The following MYO5A variants were observed in gnomAD, a reference collection of about 807,000 sequenced individuals.
MYO5A encodes the protein myosin VA.
Under a neutral mutation model 249.7 loss-of-function variants are expected in MYO5A, and 98 were observed. That is an observed-to-expected ratio of 0.39 (90% CI 0.33 to 0.46). The LOEUF (loss-of-function observed/expected upper bound fraction) is 0.46, where lower values mean the gene tolerates loss of function less well. Ranked by LOEUF, MYO5A falls within the 20% of genes least tolerant of loss-of-function variation. The probability of loss-of-function intolerance (pLI) is 0.98; values close to 1 mark genes in which losing one functional copy is unlikely to be tolerated. For missense variants in MYO5A, 1,696 were observed against 2,308.8 expected (o/e 0.73, Z 5.44); for synonymous variants, 778 against 810.6 (o/e 0.96, Z 0.68).
In MYO5A at chr15:52,416,279, T is replaced by C. The variant is rs968920076; in HGVS notation, c.478A>G (p.Ile160Val). The C allele has an allele frequency of 9.9e-6, 16 of 1,613,930 alleles. No individual in the cohort carries two copies. Among genetic ancestry groups the C allele is most frequent in the Non-Finnish European group, 1.3e-5 (15 of 1,179,940 alleles). ...MARDERNQSI[I>V]VSGESGAGKT... ...CCTGCCCCAGACTCTCCACTTACGATGATGGACTGATTTCGTTCATCTCTG... is the reference window on the plus strand; with the variant it reads ...CCTGCCCCAGACTCTCCACTTACGACGATGGACTGATTTCGTTCATCTCTG... The change falls in exon 5 of 42, where the codon ATC becomes GTC. Residue 160 changes from isoleucine (I) to valine (V), a missense_variant. Physicochemically the swap from Ile to Val is conservative, Grantham distance 29. Around this residue, in one of 5 missense-constraint regions of MYO5A, gnomAD observed 197 missense variants for 320.3 expected, o/e 0.62. Transcript: ENST00000399233.
chr15:52,506,962 T>C (rs1347281392), intron 1 of MYO5A, among the ~76,000 whole-genome samples: 1 of 152,252 alleles, frequency 6.6e-6, no homozygotes, highest in Non-Finnish European at 1.5e-5. Context: ...TCACATTACA[T>C]ACTTAAGGAT....
chr15:52,363,946 A>G (rs1041282764), intron 24 of MYO5A, among the ~76,000 whole-genome samples: 5 of 152,214 alleles, frequency 3.3e-5, no homozygotes, highest in African/African-American at 1.2e-4. Flanking sequence ...TATATAAAAC[A>G]AAGTCCAACT....
At chr15:52,473,419 T>C (rs1391224746) in intron 1 of MYO5A, among the ~76,000 whole-genome samples, 1 of 152,240 alleles carries the variant, frequency 6.6e-6, no homozygotes, top group Non-Finnish European at 1.5e-5. Flanking sequence ...TTTGTCAATT[T>C]TGGCTTTTGT....
intron 1 of MYO5A, among the ~76,000 whole-genome samples, chr15:52,488,528 A>G (rs1247107013): frequency 6.6e-6 from 1 of 152,240 alleles, no homozygotes; most frequent in African/African-American, 2.4e-5. Context: ...TTAAAACAAC[A>G]AAATTAATTA....
chr15:52,393,913 A>T (rs762147258), intron 11 of MYO5A, among the ~76,000 whole-genome samples: 27 of 152,220 alleles, frequency 1.8e-4, no homozygotes, highest in Non-Finnish European at 2.8e-4. Context: ...TCATTAATTT[A>T]TATGTAGTCT....
intron 36 of MYO5A, among the ~76,000 whole-genome samples, chr15:52,326,057 G>T (rs560858828): frequency 6.6e-6 from 1 of 152,236 alleles, no homozygotes; most frequent in African/African-American, 2.4e-5. Flanking sequence ...CATATCTTTG[G>T]CTAGTTATGC....
chr15:52,479,383 AT>A (rs201205326), intron 1 of MYO5A, among the ~76,000 whole-genome samples: 1 of 151,752 alleles, frequency 6.6e-6, no homozygotes, highest in Non-Finnish European at 1.5e-5. Flanking sequence ...ACTTTTTCTT[AT>A]TTTTTTCGAT....
intron 1 of MYO5A, among the ~76,000 whole-genome samples, chr15:52,527,177 A>G (rs2077744447): frequency 6.6e-6 from 1 of 152,258 alleles, no homozygotes; most frequent in South Asian, 2.1e-4. Flanking sequence ...TACACAAAGT[A>G]ACCAAGGAAT....
At chr15:52,384,083 A>G in intron 15 of MYO5A, 78 bp downstream of exon 15, 1 of 1,570,922 alleles carries the variant, frequency 6.4e-7, no homozygotes, top group Non-Finnish European at 8.7e-7. Context: ...CCCACCTGGG[A>G]GGCTGAAGAG....
intron 22 of MYO5A, among the ~76,000 whole-genome samples, chr15:52,369,105 T>C (rs2040965760): frequency 6.6e-6 from 1 of 152,094 alleles, no homozygotes; most frequent in Non-Finnish European, 1.5e-5. Flanking sequence ...ATATATAGAG[T>C]ACAGATCTAG....
chr15:52,471,307 TA>T (rs2076462201), intron 1 of MYO5A, among the ~76,000 whole-genome samples: 1 of 151,790 alleles, frequency 6.6e-6, no homozygotes, highest in South Asian at 2.1e-4. Context: ...TTGTGTGCAT[TA>T]AAAATCAGTT....
chr15:52,475,034 G>C (rs1479589001), intron 1 of MYO5A, among the ~76,000 whole-genome samples: 9 of 152,116 alleles, frequency 5.9e-5, no homozygotes, highest in Non-Finnish European at 1.2e-4. Flanking sequence ...TTTTTGGTTG[G>C]TAGGCTATTA....
intron 1 of MYO5A, among the ~76,000 whole-genome samples, chr15:52,499,235 T>C (rs1595797642): frequency 6.6e-6 from 1 of 152,250 alleles, no homozygotes; most frequent in East Asian, 1.9e-4. Flanking sequence ...ATTTAAGCTT[T>C]TAAAATAACA....
In MYO5A at chr15:52,407,311, C is replaced by G. The variant is rs112325631; in HGVS notation, c.927G>C (p.Arg309Ser). 6.2e-7 allele frequency: 1 copy of G among 1,613,022 alleles called. No individual in the cohort carries two copies. Among genetic ancestry groups the G allele is most frequent in the Non-Finnish European group, 8.5e-7 (1 of 1,179,140 alleles). The change falls in exon 8 of 42, where the codon AGG (arginine) becomes AGC (serine). Residue 309 changes from arginine (R) to serine (S), a missense_variant. By Grantham distance (110) the Arg-to-Ser change is moderately radical. Transcript: ENST00000399233. Reference sequence around the variant, plus strand: ...CATTACCTAGCAAAGTGCAGGCCTGCCTAGTATGTGCCATCTCCTTTGCAT... The same window carrying G: ...CATTACCTAGCAAAGTGCAGGCCTGGCTAGTATGTGCCATCTCCTTTGCAT... ...VDDAKEMAHT[R>S]QACTLLGISE...
At chr15:52,495,541 T>C (rs947975669) in intron 1 of MYO5A, among the ~76,000 whole-genome samples, 3 of 152,214 alleles carry the variant, frequency 2.0e-5, no homozygotes, top group African/African-American at 7.2e-5. Context: ...TGACAGTAGA[T>C]TTTGTGTTCT....
chr15:52,443,764 T>C (rs56749732), intron 1 of MYO5A, among the ~76,000 whole-genome samples: 22,265 of 151,346 alleles, frequency 0.15, 1,767 homozygotes, highest in Middle Eastern at 0.22. Context: ...GTGGATTGTC[T>C]GAGCTCAGGA....
chr15:52,363,457 T>C (rs2040642130), intron 24 of MYO5A, among the ~76,000 whole-genome samples: 1 of 152,188 alleles, frequency 6.6e-6, no homozygotes, highest in Non-Finnish European at 1.5e-5. Context: ...GGATTTATAT[T>C]AGCTTTTTGG....
At chr15:52,394,144 C>G (rs1199824728) in intron 11 of MYO5A, among the ~76,000 whole-genome samples, 20 of 152,206 alleles carry the variant, frequency 1.3e-4, no homozygotes, top group Non-Finnish European at 4.4e-5. Context: ...CTCATGCTGA[C>G]TGCCCCCACC....
At chr15:52,315,244 G>T (rs2037940788) in intron 40 of MYO5A, among the ~76,000 whole-genome samples, 1 of 152,136 alleles carries the variant, frequency 6.6e-6, no homozygotes, top group African/African-American at 2.4e-5. Context: ...TTCCTCCAGG[G>T]TATTCTTACT....
Sources: gnomAD v4.1 joint callset for allele counts (sites outside exome capture counted in the v4.1 genomes callset) on GRCh38, gnomAD v4.1.1 for gene constraint, gnomAD v4.1.1 regional missense constraint, MANE v1.5 for transcripts, NCBI Gene and HGNC (gene_info 2026-07-23, HGNC 2026-07-21) for gene names.